Variants in WDFY4 observed in about 807,000 individuals in gnomAD.
The protein encoded by WDFY4 is WD repeat- and FYVE domain-containing protein 4.
A neutral mutation model predicts 351.9 loss-of-function variants in WDFY4; 169 were observed. The ratio of observed to expected loss-of-function variants is 0.48; its 90% CI spans 0.42 to 0.55. The LOEUF (loss-of-function observed/expected upper bound fraction) is 0.55, where lower values mean the gene tolerates loss of function less well. Ranked by LOEUF, WDFY4 falls within the 20% of genes least tolerant of loss-of-function variation. The probability of loss-of-function intolerance (pLI) is 0.00; values close to 1 mark genes in which losing one functional copy is unlikely to be tolerated. For missense variants in WDFY4, 3,803 were observed against 3,935.6 expected, an observed-to-expected ratio of 0.97 and a Z score of 0.90; for synonymous variants, 1,622 against 1,574.6, an observed-to-expected ratio of 1.03 and a Z score of -0.71.
chr10:48,913,090 G>T (rs999533834), intron 47 of WDFY4, among the ~76,000 whole-genome samples: 4 of 152,200 alleles, frequency 2.6e-5, no homozygotes, highest in Admixed American at 2.6e-4. Context: ...GGCCACAGTG[G>T]TAGACAAGAG....
intron 20 of WDFY4, among the ~76,000 whole-genome samples, chr10:48,787,846 TTC>T (rs1223679955): frequency 6.5e-5 from 9 of 139,482 alleles, no homozygotes; most frequent in African/African-American, 1.5e-4. Flanking sequence ...CTTCTTCTTC[TTC>T]TTCTTCTTCT....
intron 30 of WDFY4, among the ~76,000 whole-genome samples, chr10:48,813,735 CCA>C (rs2067530415): frequency 6.6e-6 from 1 of 152,210 alleles, no homozygotes; most frequent in African/African-American, 2.4e-5. Context: ...GAACTACATG[CCA>C]GTCTCTAGGG....
At chr10:48,780,239 A>G in intron 19 of WDFY4, 120 bp downstream of exon 19, 1 of 1,285,262 alleles carries the variant, frequency 7.8e-7, no homozygotes, top group Non-Finnish European at 1.1e-6. Flanking sequence ...TATTACTGGT[A>G]GGGTTGGCAT....
At chr10:48,778,237 T>C (rs2066099938) in intron 17 of WDFY4, among the ~76,000 whole-genome samples, 1 of 152,256 alleles carries the variant, frequency 6.6e-6, no homozygotes, top group African/African-American at 2.4e-5. Flanking sequence ...TCCTGCCTGT[T>C]CTGTGAGGAC....
At chr10:48,696,902 C>T (rs778434440) in intron 1 of WDFY4, among the ~76,000 whole-genome samples, 1 of 152,262 alleles carries the variant, frequency 6.6e-6, no homozygotes, top group African/African-American at 2.4e-5. Flanking sequence ...TCCCATTTTA[C>T]AGCTGGAGAC....
At chr10:48,966,177 G>A (rs1842073502) in intron 54 of WDFY4, among the ~76,000 whole-genome samples, 1 of 152,128 alleles carries the variant, frequency 6.6e-6, no homozygotes, top group African/African-American at 2.4e-5. Context: ...CGTTATCTAG[G>A]GAACGAAGAG....
chr10:48,982,891 A>G lies in WDFY4; in HGVS notation c.*316A>G, dbSNP rs568153681. 5.2e-6 allele frequency: 2 copies of G among 385,456 alleles called. No homozygotes were observed. The highest frequency in any genetic ancestry group is 4.0e-5 in the South Asian group (2 of 49,650). The allele number at this position is 385,456 out of a possible 1,614,324, so 23.9% of individuals were successfully genotyped here. A position where few individuals can be genotyped will look rare whatever the true frequency, so the allele number is the denominator to read the frequency against. ...GGCTATTGCACTGAAAAAAAAAAAG[A>G]TGGGTCGCTTACTGGAAATTATTGT... On this transcript the variant is annotated 3_prime_UTR_variant, in exon 62 of 62. Coordinates refer to ENST00000325239, the MANE Select transcript of WDFY4 (RefSeq NM_001394531.1).
intron 24 of WDFY4, among the ~76,000 whole-genome samples, chr10:48,800,883 C>T (rs1481167341): frequency 6.6e-6 from 1 of 151,986 alleles, no homozygotes; most frequent in East Asian, 1.9e-4. Context: ...CAGGCACGTG[C>T]CACCACATAA....
chr10:48,933,632 T>C (rs1015760834), intron 47 of WDFY4, among the ~76,000 whole-genome samples: 3 of 152,146 alleles, frequency 2.0e-5, no homozygotes, highest in African/African-American at 7.2e-5. Flanking sequence ...ATGCATGTGT[T>C]ATTAGACCCA....
At chr10:48,747,648 T>C (rs1274626283) in intron 12 of WDFY4, among the ~76,000 whole-genome samples, 1 of 152,246 alleles carries the variant, frequency 6.6e-6, no homozygotes, top group Non-Finnish European at 1.5e-5. Flanking sequence ...ATTTAGGTTT[T>C]CTTTTTAAAA....
intron 15 of WDFY4, 76 bp from the exon 16 acceptor site, chr10:48,776,674 C>G: frequency 7.4e-7 from 1 of 1,342,674 alleles, no homozygotes; most frequent in Non-Finnish European, 9.9e-7. Context: ...GCGGCAGATA[C>G]TTTGGGGTTA....
At chr10:48,782,035 AGGTC>A (rs1339294759) in intron 19 of WDFY4, among the ~76,000 whole-genome samples, 25 of 152,298 alleles carry the variant, frequency 1.6e-4, no homozygotes, top group African/African-American at 5.8e-4. Flanking sequence ...AAAGAAGTGG[AGGTC>A]TGTCTGTTCT....
intron 57 of WDFY4, among the ~76,000 whole-genome samples, chr10:48,973,293 C>T (rs144667499): frequency 2.6e-5 from 4 of 152,236 alleles, no homozygotes; most frequent in African/African-American, 9.6e-5. Flanking sequence ...CTGTCAACTC[C>T]TCTGCTTTCT....
intron 19 of WDFY4, among the ~76,000 whole-genome samples, chr10:48,782,576 GC>G (rs1211232088): frequency 6.6e-6 from 1 of 152,194 alleles, no homozygotes; most frequent in African/African-American, 2.4e-5. Flanking sequence ...CTGACAGAGT[GC>G]GCTTTCCAAA....
intron 23 of WDFY4, among the ~76,000 whole-genome samples, chr10:48,793,813 T>C (rs1018700191): frequency 6.6e-6 from 1 of 152,160 alleles, no homozygotes; most frequent in Non-Finnish European, 1.5e-5. Flanking sequence ...TTTCATCAGT[T>C]TTTAGGTTTT....
intron 21 of WDFY4, 35 bp from the exon 22 acceptor site, chr10:48,789,839 A>C (rs2066619263): frequency 6.5e-7 from 1 of 1,548,008 alleles, no homozygotes; most frequent in Non-Finnish European, 8.7e-7. Flanking sequence ...CTTTTGCAGG[A>C]CTTTCTTAGG....
chr10:48,868,649 A>G (rs913797626), intron 40 of WDFY4, among the ~76,000 whole-genome samples: 28 of 152,228 alleles, frequency 1.8e-4, no homozygotes, highest in African/African-American at 6.0e-4. Flanking sequence ...GGGAAATAAG[A>G]TGAATCTTGT....
At chr10:48,845,225 A>G (rs2068736071) in intron 39 of WDFY4, among the ~76,000 whole-genome samples, 1 of 151,800 alleles carries the variant, frequency 6.6e-6, no homozygotes. Context: ...GTTGTCTATA[A>G]CTCTATATCT....
intron 43 of WDFY4, among the ~76,000 whole-genome samples, chr10:48,883,381 GT>G (rs2070330608): frequency 7.7e-6 from 1 of 130,246 alleles, no homozygotes; most frequent in South Asian, 2.6e-4. Flanking sequence ...TAGAAAGTTT[GT>G]GCAAGGGGTG....
Sources: gnomAD v4.1 joint callset for allele counts (sites outside exome capture counted in the v4.1 genomes callset) on GRCh38, gnomAD v4.1.1 for gene constraint, MANE v1.5 for transcripts, NCBI Gene and HGNC (gene_info 2026-07-23, HGNC 2026-07-21) for gene names.